Variants in GLRA3 observed in about 807,000 individuals in gnomAD.
GLRA3 encodes the protein glycine receptor subunit alpha-3.
Under a neutral mutation model 60.4 loss-of-function variants are expected in GLRA3, and 44 were observed. The observed-to-expected ratio is 0.73, with a 90% CI of 0.57 to 0.94. The LOEUF is 0.94. GLRA3 is among the 40% of genes least tolerant of loss of function. GLRA3 has a pLI of 0.00. For missense variants in GLRA3, 508 were observed against 564.6 expected, an observed-to-expected ratio of 0.90 and a Z score of 1.02; for synonymous variants, 223 against 192.9, an observed-to-expected ratio of 1.16 and a Z score of -1.29.
At chr4:174,655,474 T>G (rs965214087) in intron 9 of GLRA3, among the ~76,000 whole-genome samples, 2 of 152,154 alleles carry the variant, frequency 1.3e-5, no homozygotes, top group African/African-American at 4.8e-5. Flanking sequence ...GTTTTTTCAT[T>G]AGAGTTTTCA....
At chr4:174,814,902 C>A (rs768853053) in intron 1 of GLRA3, among the ~76,000 whole-genome samples, 3 of 152,126 alleles carry the variant, frequency 2.0e-5, no homozygotes, top group African/African-American at 2.4e-5. Flanking sequence ...ATTTCAAAAC[C>A]AATCATGCCT....
At chr4:174,657,887 T>C (rs945750593) in intron 8 of GLRA3, among the ~76,000 whole-genome samples, 5 of 152,182 alleles carry the variant, frequency 3.3e-5, no homozygotes, top group Admixed American at 6.5e-5. Context: ...TGAATGCTGA[T>C]GTTCTTTCCA....
chr4:174,810,678 G>A (rs1254923280), intron 1 of GLRA3, among the ~76,000 whole-genome samples: 2 of 151,934 alleles, frequency 1.3e-5, no homozygotes, highest in African/African-American at 4.8e-5. Flanking sequence ...TCCACATAAA[G>A]ACTTTGAAAT....
At chr4:174,664,215 G>A (rs780167823) in intron 7 of GLRA3, among the ~76,000 whole-genome samples, 9 of 152,046 alleles carry the variant, frequency 5.9e-5, no homozygotes, top group South Asian at 4.2e-4. Context: ...ACTGGGACAC[G>A]ACTCACTAAT....
intron 9 of GLRA3, among the ~76,000 whole-genome samples, chr4:174,653,884 G>C (rs144692319): frequency 1.2e-3 from 177 of 152,128 alleles, no homozygotes; most frequent in African/African-American, 4.0e-3. Flanking sequence ...AGAGAATATA[G>C]CTATAAGAAA....
chr4:174,788,109 G>A (rs1432955633), intron 2 of GLRA3, among the ~76,000 whole-genome samples: 1 of 151,980 alleles, frequency 6.6e-6, no homozygotes, highest in Non-Finnish European at 1.5e-5. Context: ...TAATATTCAA[G>A]AACATGTTAA....
intron 5 of GLRA3, among the ~76,000 whole-genome samples, chr4:174,699,172 TGTA>T (rs1735198726): frequency 6.6e-6 from 1 of 152,092 alleles, no homozygotes; most frequent in Non-Finnish European, 1.5e-5. Context: ...TAATTTTTTT[TGTA>T]TTTTTTAGTA....
intron 5 of GLRA3, among the ~76,000 whole-genome samples, chr4:174,704,979 T>C (rs1448504964): frequency 7.0e-6 from 1 of 143,338 alleles, no homozygotes; most frequent in East Asian, 2.3e-4. Flanking sequence ...AGAGTTCAGT[T>C]TTGCAAGATG....
intron 4 of GLRA3, among the ~76,000 whole-genome samples, chr4:174,728,125 G>A (rs6815488): frequency 0.85 from 129,502 of 152,238 alleles, 55,099 homozygotes; most frequent in Middle Eastern, 0.88. Context: ...TTCTTAACCT[G>A]TAAATATTTA....
chr4:174,689,396 T>C (rs1734693505), intron 5 of GLRA3, among the ~76,000 whole-genome samples: 1 of 152,196 alleles, frequency 6.6e-6, no homozygotes, highest in African/African-American at 2.4e-5. Flanking sequence ...TCTTGAGAGA[T>C]GCGGAAAAAG....
chr4:174,769,970 T>A (rs1382120383), intron 2 of GLRA3, among the ~76,000 whole-genome samples: 1 of 152,158 alleles, frequency 6.6e-6, no homozygotes, highest in African/African-American at 2.4e-5. Context: ...GACCTGTTTT[T>A]CTTTCTGAAA....
chr4:174,721,470 A>G (rs1736125580), intron 4 of GLRA3, among the ~76,000 whole-genome samples: 1 of 134,110 alleles, frequency 7.5e-6, no homozygotes, highest in Non-Finnish European at 1.6e-5. Flanking sequence ...ACACATATAT[A>G]TAACATATAT....
At chr4:174,802,445 A>G (rs756784466) in intron 1 of GLRA3, among the ~76,000 whole-genome samples, 1 of 151,996 alleles carries the variant, frequency 6.6e-6, no homozygotes. Context: ...TGATTGTCCA[A>G]CTGACTACAC....
chr4:174,727,143 C>G (rs796842697), intron 4 of GLRA3, among the ~76,000 whole-genome samples: 1 of 152,106 alleles, frequency 6.6e-6, no homozygotes, highest in Non-Finnish European at 1.5e-5. Context: ...TTCTCATGAA[C>G]TAGGTAAATG....
At chr4:174,828,062 G>A (rs1240863516) in intron 1 of GLRA3, among the ~76,000 whole-genome samples, 2 of 151,820 alleles carry the variant, frequency 1.3e-5, no homozygotes, top group East Asian at 1.9e-4. Context: ...ATTTTTTTAA[G>A]CCTACCAAAT....
In GLRA3 at chr4:174,656,775, CA is replaced by C; in HGVS notation, c.1083del (p.Phe361LeufsTer16). The C allele has an allele frequency of 6.3e-7, 1 of 1,585,830 alleles. No individual in the cohort carries two copies. The highest frequency in any genetic ancestry group is 8.7e-7 in the Non-Finnish European group (1 of 1,154,750). On this transcript the variant is annotated frameshift_variant, in exon 9 of 10. Transcript: ENST00000274093. LOFTEE classifies it high-confidence loss of function. Reference protein sequence around the residue: ...RRKRKNKTEAFALEKFYRFSD... With the variant: ...RRKRKNKTEAXALEKFYRFSD... ...GAGAAACGGTAAAACTTCTCCAGTG[CA>C]AAAGCTTCTGTCTGTGGGAAGGTAA...
chr4:174,811,663 G>A (rs1740281851), intron 1 of GLRA3, among the ~76,000 whole-genome samples: 1 of 152,126 alleles, frequency 6.6e-6, no homozygotes, highest in Non-Finnish European at 1.5e-5. Flanking sequence ...AAGGCTAAGG[G>A]CAGCAATCAT....
chr4:174,697,986 A>C (rs1735129126), intron 5 of GLRA3, among the ~76,000 whole-genome samples: 1 of 152,154 alleles, frequency 6.6e-6, no homozygotes, highest in East Asian at 1.9e-4. Context: ...GGTTGTGAGA[A>C]AACATTCTGT....
rs75614592 is a variant in GLRA3, at chr4:174,800,360, A to T, written c.72-11417T>A. Among the ~76,000 whole-genome samples the T allele has an allele frequency of 1.1e-3, 171 of 152,244 alleles. 4 individuals carry two copies. The East Asian group carries it at 0.03, about 26-fold the overall frequency. ...GATAATTAATTTTTGTAATTAATAGACATAACTTAATGTGGTGCACTGGCT... is the reference window on the plus strand; with the variant it reads ...GATAATTAATTTTTGTAATTAATAGTCATAACTTAATGTGGTGCACTGGCT... On this transcript the variant is annotated intron_variant, in intron 1 of 9. Coordinates refer to ENST00000274093, the MANE Select transcript of GLRA3 (RefSeq NM_006529.4).
Sources: allele counts gnomAD v4.1 joint callset (sites outside exome capture counted in the v4.1 genomes callset), GRCh38; gene constraint gnomAD v4.1.1; transcripts MANE v1.5; gene names NCBI Gene and HGNC (gene_info 2026-07-23, HGNC 2026-07-21).